The following DNAH2 variants were observed in gnomAD, a reference collection of about 807,000 sequenced individuals.
DNAH2 encodes dynein axonemal heavy chain 2.
In DNAH2, 323 loss-of-function variants were observed where a neutral mutation model predicts 523.5. That is an observed-to-expected ratio of 0.62 (90% CI 0.56 to 0.68). The LOEUF is 0.68. Ranked by LOEUF, DNAH2 falls within the 30% of genes least tolerant of loss-of-function variation. The pLI, the probability that DNAH2 is intolerant of heterozygous loss-of-function variation, is 0.00. For missense variants in DNAH2, 4,907 were observed against 5,701.5 expected, an observed-to-expected ratio of 0.86 and a Z score of 4.49; for synonymous variants, 2,093 against 2,177.4, an observed-to-expected ratio of 0.96 and a Z score of 1.08.
chr17:7,758,998 C>T lies in DNAH2; in HGVS notation c.2322C>T (p.Asp774=). ...TTAGTGGCAAACGGGTATACAGGGA[C>T]CTGGAATTTGAAGAGGACCAAAGAG... The part of the protein sequence containing the change: ...VRISGKRVYR[D]LEFEEDQREH... Residue 774 remains aspartate (D), a synonymous_variant, in exon 15 of 86, where the codon GAC becomes GAT. Coordinates refer to ENST00000572933, the MANE Select transcript of DNAH2 (RefSeq NM_020877.5). 1 of 1,614,090 alleles carries T rather than the reference C, an allele frequency of 6.2e-7. No individual in the cohort carries two copies. Among genetic ancestry groups the T allele is most frequent in the South Asian group, 1.1e-5 (1 of 91,076 alleles).
At chr17:7,771,501 C>T in intron 28 of DNAH2, 33 bp downstream of exon 28, 1 of 1,611,308 alleles carries the variant, frequency 6.2e-7, no homozygotes, top group South Asian at 1.1e-5. Context: ...CCTGACACAG[C>T]CTCGGCAGGC....
chr17:7,724,645 A>G (rs1206304335), intron 3 of DNAH2, among the ~76,000 whole-genome samples: 2 of 152,136 alleles, frequency 1.3e-5, no homozygotes, highest in African/African-American at 2.4e-5. Context: ...CAAAACCCAA[A>G]AAAACAAAAA....
At chr17:7,733,891 G>A (rs1411355484) in intron 5 of DNAH2, among the ~76,000 whole-genome samples, 1 of 152,184 alleles carries the variant, frequency 6.6e-6, no homozygotes, top group Non-Finnish European at 1.5e-5. Flanking sequence ...GGGAAATATA[G>A]GTGCTGTGGG....
intron 78 of DNAH2, 70 bp from the exon 79 acceptor site, chr17:7,830,588 G>C: frequency 6.2e-7 from 1 of 1,608,538 alleles, no homozygotes; most frequent in Non-Finnish European, 8.5e-7. Context: ...CAAAGCCTGT[G>C]TTGAAGCCCC....
At chr17:7,777,712 T>G in intron 33 of DNAH2, 78 bp downstream of exon 33, 1 of 1,556,446 alleles carries the variant, frequency 6.4e-7, no homozygotes. Flanking sequence ...GTTCTGTAAA[T>G]GCAAGGATAT....
intron 2 of DNAH2, among the ~76,000 whole-genome samples, chr17:7,722,260 C>T (rs2074638730): frequency 6.6e-6 from 1 of 152,150 alleles, no homozygotes; most frequent in African/African-American, 2.4e-5. Flanking sequence ...CAGCCTCAGC[C>T]TCCCAAAGTG....
At chr17:7,739,330 C>T (rs568913228) in intron 8 of DNAH2, among the ~76,000 whole-genome samples, 3 of 152,208 alleles carry the variant, frequency 2.0e-5, no homozygotes, top group South Asian at 2.1e-4. Context: ...CTCTTGAACC[C>T]GGGAAGCGGA....
chr17:7,832,719 C>T lies in DNAH2; in HGVS notation c.12867C>T (p.Leu4289=). The change falls in exon 83 of 86, where the codon CTC becomes CTT. Residue 4289 remains leucine, a synonymous_variant. Transcript: ENST00000572933. The surrounding 1 kb of genome is among the most constrained non-coding windows in gnomAD (Gnocchi z 4.3). ...LSGFTFPTGF[L]TAVLQSSARQ... ...GTTTCACCTTTCCCACTGGCTTCCT[C>T]ACTGCTGTGCTGCAGTCTTCAGCTC... 6.2e-7 allele frequency: 1 copy of T among 1,614,134 alleles called. No homozygotes were observed. The highest frequency in any genetic ancestry group is 8.5e-7 in the Non-Finnish European group (1 of 1,180,038).
chr17:7,833,440 C>T lies in DNAH2; in HGVS notation c.13191C>T (p.Ser4397=). 6.2e-7 allele frequency: 1 copy of T among 1,614,168 alleles called. No homozygotes were observed. The highest frequency in any genetic ancestry group is 8.5e-7 in the Non-Finnish European group (1 of 1,180,030). The part of the protein sequence containing the change: ...PNRAGSSDRA[S]FVIGIDLRSG... Reference sequence around the variant, plus strand: ...GGGCAGGCAGCTCAGACCGAGCCTCCTTTGTCATCGGCATTGACCTGCGGT... The same window carrying T: ...GGGCAGGCAGCTCAGACCGAGCCTCTTTTGTCATCGGCATTGACCTGCGGT... Residue 4397 remains serine (S), a synonymous_variant, in exon 86 of 86, where the codon TCC becomes TCT. Transcript: ENST00000572933.
chr17:7,745,255 A>G (rs1028848629), intron 12 of DNAH2, among the ~76,000 whole-genome samples: 3 of 152,136 alleles, frequency 2.0e-5, no homozygotes, highest in Non-Finnish European at 2.9e-5. Flanking sequence ...TCGGCCTCCC[A>G]AAGTGCTGGG....
intron 18 of DNAH2, among the ~76,000 whole-genome samples, chr17:7,761,332 G>A (rs2075998894): frequency 1.3e-5 from 2 of 151,934 alleles, no homozygotes; most frequent in African/African-American, 4.8e-5. Flanking sequence ...CAGTGGTGTG[G>A]TCATAGCTCA....
chr17:7,791,846 G>T, intron 44 of DNAH2, 71 bp from the exon 45 acceptor site: 1 of 1,471,880 alleles, frequency 6.8e-7, no homozygotes, highest in Non-Finnish European at 9.3e-7. Flanking sequence ...ACACTCTGGT[G>T]TCACGAGTCT....
chr17:7,776,259 A>G (rs1006746721), intron 31 of DNAH2, 110 bp downstream of exon 31: 1 of 1,309,710 alleles, frequency 7.6e-7, no homozygotes, highest in Non-Finnish European at 1.0e-6. Context: ...TGAGGTCAGG[A>G]GTTCAAGACC....
chr17:7,771,561 C>T (rs1033872913), intron 28 of DNAH2, 93 bp downstream of exon 28: 3 of 1,363,848 alleles, frequency 2.2e-6, no homozygotes, highest in Non-Finnish European at 3.0e-6. Context: ...AGACTGATGC[C>T]CCCAGCTCTC....
chr17:7,786,597 T>C lies in DNAH2; in HGVS notation c.6376T>C (p.Ser2126Pro). The C allele has an allele frequency of 6.2e-7, 1 of 1,614,010 alleles. No individual in the cohort carries two copies. Among genetic ancestry groups the C allele is most frequent in the South Asian group, 1.1e-5 (1 of 91,072 alleles). ...REFPLNPKAL[S>P]LGELYGEYDL... ...GTTCCCTTTGAACCCCAAGGCATTG[T>C]CCCTAGGGGAACTGTATGGGGAATA... Residue 2126 changes from serine (S) to proline (P), a missense_variant, in exon 41 of 86, where the codon TCC (serine) becomes CCC (proline). Ser to Pro is a moderately conservative substitution (Grantham distance 74). Around this residue, in one of 3 missense-constraint regions of DNAH2, gnomAD observed 2,806 missense variants for 3,190.8 expected, o/e 0.88. Transcript: ENST00000572933. This position sits in a 1 kb window ranked among gnomAD's most constrained non-coding sequence, Gnocchi z 7.5.
At chr17:7,719,380 C>G (rs1486057860) in intron 1 of DNAH2, among the ~76,000 whole-genome samples, 1 of 152,102 alleles carries the variant, frequency 6.6e-6, no homozygotes, top group Non-Finnish European at 1.5e-5. Flanking sequence ...CCACCCGGCT[C>G]GGCCTCCCAA....
rs369913765 is a variant in DNAH2, at chr17:7,799,168, C to A, written c.8625C>A (p.Phe2875Leu). ...EQVPESSDSL[F>L]AYLIERVQNN... ...TGCCTGAGTCATCGGACAGCCTCTT[C>A]GCCTACCTCATTGAACGCGTGCAGA... Residue 2875 changes from phenylalanine to leucine, a missense_variant, in exon 56 of 86, where the codon TTC (phenylalanine) becomes TTA (leucine). By Grantham distance (22) the Phe-to-Leu change is conservative. This residue lies in a region of DNAH2 where 1,851 missense variants were observed against 2,139.4 expected (regional missense o/e 0.87). Coordinates refer to ENST00000572933, the MANE Select transcript of DNAH2 (RefSeq NM_020877.5). 7 of 1,614,206 alleles carry A rather than the reference C, an allele frequency of 4.3e-6. No individual in the cohort carries two copies. The South Asian group carries it at 7.7e-5, about 18-fold the overall frequency.
At chr17:7,758,689 CTG>C in intron 14 of DNAH2, 38 bp downstream of exon 14, 1 of 1,591,074 alleles carries the variant, frequency 6.3e-7, no homozygotes, top group Non-Finnish European at 8.6e-7. Context: ...GTCTGCAAGG[CTG>C]ATGGGTCATT....
rs764895083 is a variant in DNAH2 at position 7,831,794 on chromosome 17, T to C, written c.12726+19T>C. ...GGGAAAGGCAAGATTATACCATTGT[T>C]GATCCTTCTCCAACAATGAGCTCCC... On this transcript the variant is annotated intron_variant, in intron 82 of 85. Transcript: ENST00000572933. This position sits in a 1 kb window ranked among gnomAD's most constrained non-coding sequence, Gnocchi z 4.2. 1.6e-5 allele frequency: 25 copies of C among 1,603,684 alleles called. No individual in the cohort carries two copies. The Admixed American group carries it at 2.2e-4, about 14-fold the overall frequency.
Sources: gnomAD v4.1 joint callset for allele counts (sites outside exome capture counted in the v4.1 genomes callset) on GRCh38, gnomAD v4.1.1 for gene constraint, gnomAD v4.1.1 regional missense constraint, Gnocchi (gnomAD v3.1) non-coding constraint, MANE v1.5 for transcripts, NCBI Gene and HGNC (gene_info 2026-07-23, HGNC 2026-07-21) for gene names.